Variants in ARHGAP35 observed in about 807,000 individuals in gnomAD.
ARHGAP35 encodes the protein Rho GTPase activating protein 35.
Under a neutral mutation model 111.1 loss-of-function variants are expected in ARHGAP35, and 15 were observed. The ratio of observed to expected loss-of-function variants is 0.13; its 90% CI spans 0.09 to 0.21. The LOEUF (loss-of-function observed/expected upper bound fraction) is 0.21. Ranked by LOEUF, ARHGAP35 falls within the 10% of genes least tolerant of loss-of-function variation. The pLI, the probability that ARHGAP35 is intolerant of heterozygous loss-of-function variation, is 1.00. For missense variants in ARHGAP35, 1,262 were observed against 1,873.0 expected (o/e 0.67, Z 6.02); for synonymous variants, 643 against 710.3 (o/e 0.91, Z 1.51).
At chr19:46,893,759 T>C (rs1354544284) in intron 1 of ARHGAP35, among the ~76,000 whole-genome samples, 6 of 152,006 alleles carry the variant, frequency 3.9e-5, no homozygotes, top group East Asian at 1.9e-4. Context: ...TTTAGCTAGA[T>C]TGGGATGTAG....
chr19:46,877,557 T>A (rs1023881065), intron 1 of ARHGAP35, among the ~76,000 whole-genome samples: 1 of 151,986 alleles, frequency 6.6e-6, no homozygotes, highest in Non-Finnish European at 1.5e-5. Flanking sequence ...AGAGCAAGAC[T>A]CTTGTCTCAA....
chr19:46,985,623 A>C (rs537999672), intron 3 of ARHGAP35, among the ~76,000 whole-genome samples: 1 of 152,308 alleles, frequency 6.6e-6, no homozygotes, highest in East Asian at 1.9e-4. Context: ...TCGTTTATTT[A>C]ATAAACAAGC....
intron 1 of ARHGAP35, among the ~76,000 whole-genome samples, chr19:46,896,946 T>G (rs2056060351): frequency 2.0e-5 from 3 of 152,126 alleles, no homozygotes; most frequent in African/African-American, 7.2e-5. Flanking sequence ...CAGTCTGGAG[T>G]GCATTGGCGC....
At chr19:46,983,228 T>C (rs2056630778) in intron 3 of ARHGAP35, among the ~76,000 whole-genome samples, 1 of 151,994 alleles carries the variant, frequency 6.6e-6, no homozygotes, top group South Asian at 2.1e-4. Flanking sequence ...GAAGAAGAAC[T>C]CAGGTAGGAT....
intron 3 of ARHGAP35, among the ~76,000 whole-genome samples, chr19:46,951,312 C>T (rs899621025): frequency 4.6e-5 from 7 of 152,028 alleles, no homozygotes; most frequent in Non-Finnish European, 1.0e-4. Context: ...GGACAGGGGG[C>T]GGGGATGGGG....
intron 3 of ARHGAP35, among the ~76,000 whole-genome samples, chr19:46,973,908 A>C (rs1020209755): frequency 6.6e-6 from 1 of 151,594 alleles, no homozygotes; most frequent in African/African-American, 2.4e-5. Context: ...AGGCAGGATA[A>C]TCTTTTGAAC....
rs1302506059 is a variant in ARHGAP35, at chr19:46,926,155, C to T, written c.3681+3799C>T. On this transcript the variant is annotated intron_variant, in intron 2 of 6. Coordinates refer to ENST00000672722, the MANE Select transcript of ARHGAP35 (RefSeq NM_004491.5). This position sits in a 1 kb window ranked among gnomAD's most constrained non-coding sequence, Gnocchi z 4.1. ...ATACAGAAAAAAATCACTCAGTGCCCTTGGCTGATTTGCTAGATTAGGTCT... is the reference window on the plus strand; with the variant it reads ...ATACAGAAAAAAATCACTCAGTGCCTTTGGCTGATTTGCTAGATTAGGTCT... Among the ~76,000 whole-genome samples the T allele has an allele frequency of 6.6e-6, 1 of 152,162 alleles. No homozygotes were observed. The highest frequency in any genetic ancestry group is 1.5e-5 in the Non-Finnish European group (1 of 68,022).
intron 1 of ARHGAP35, among the ~76,000 whole-genome samples, chr19:46,865,530 T>C (rs2055850796): frequency 2.6e-5 from 4 of 152,272 alleles, no homozygotes; most frequent in South Asian, 4.1e-4. Flanking sequence ...GGCAGATCCA[T>C]GGACCTGATG....
At chr19:46,948,445 A>G (rs1479612030) in intron 3 of ARHGAP35, 2 of 152,236 alleles carry the variant, frequency 1.3e-5, no homozygotes, top group Non-Finnish European at 2.9e-5. Flanking sequence ...AAATGAAAAC[A>G]TACGTTCACA....
In ARHGAP35 at chr19:46,994,064, A is replaced by T. The variant is rs1245046143; in HGVS notation, c.4036+4389A>T. 6.6e-6 allele frequency among the ~76,000 whole-genome samples: 1 copy of T among 152,146 alleles called. No homozygotes were observed. The highest frequency in any genetic ancestry group is 2.4e-5 in the African/African-American group (1 of 41,424). ...TCTGAAGGGGGTGGAGGTTACACCA[A>T]AAGTCTGGACGAGCGGACCTGGGAA... On this transcript the variant is annotated intron_variant, in intron 5 of 6. Coordinates refer to ENST00000672722, the MANE Select transcript of ARHGAP35 (RefSeq NM_004491.5). The surrounding 1 kb of genome is among the most constrained non-coding windows in gnomAD (Gnocchi z 5.4).
intron 1 of ARHGAP35, among the ~76,000 whole-genome samples, chr19:46,864,767 T>C (rs144975068): frequency 6.6e-6 from 1 of 152,368 alleles, no homozygotes; most frequent in East Asian, 1.9e-4. Context: ...TCATTTCCGT[T>C]GGTAAATTTT....
intron 1 of ARHGAP35, among the ~76,000 whole-genome samples, chr19:46,883,640 G>A (rs1038690304): frequency 2.0e-5 from 3 of 152,180 alleles, no homozygotes; most frequent in African/African-American, 7.2e-5. Context: ...GACATGAAGT[G>A]AGCATATGCT....
intron 1 of ARHGAP35, among the ~76,000 whole-genome samples, chr19:46,885,676 CTAGTT>C (rs1477309748): frequency 3.3e-5 from 5 of 152,140 alleles, no homozygotes; most frequent in Non-Finnish European, 7.4e-5. Flanking sequence ...TTCTTGATCT[CTAGTT>C]TAGCTTACTT....
intron 1 of ARHGAP35, among the ~76,000 whole-genome samples, chr19:46,888,112 T>C (rs1192185794): frequency 8.0e-5 from 12 of 149,948 alleles, no homozygotes; most frequent in Admixed American, 2.7e-4. Flanking sequence ...CCACCACGCC[T>C]GGCTAATTTT....
At chr19:46,873,197 T>C (rs1436400651) in intron 1 of ARHGAP35, among the ~76,000 whole-genome samples, 3 of 152,034 alleles carry the variant, frequency 2.0e-5, no homozygotes, top group Non-Finnish European at 2.9e-5. Context: ...CTTTACACTT[T>C]CCAGAATGCT....
intron 3 of ARHGAP35, among the ~76,000 whole-genome samples, chr19:46,981,817 AT>A (rs1168226170): frequency 7.3e-6 from 1 of 137,628 alleles, no homozygotes; most frequent in East Asian, 2.1e-4. Context: ...TCACCAAAGT[AT>A]TTTTTGGTGT....
intron 3 of ARHGAP35, among the ~76,000 whole-genome samples, chr19:46,962,344 GC>G (rs1285734600): frequency 6.6e-6 from 1 of 152,216 alleles, no homozygotes; most frequent in Non-Finnish European, 1.5e-5. Flanking sequence ...GGCCTGCCTT[GC>G]CAAGACTGGC....
At chr19:46,947,038 C>T (rs1300238033) in intron 3 of ARHGAP35, 3 of 152,174 alleles carry the variant, frequency 2.0e-5, no homozygotes, top group Non-Finnish European at 4.4e-5. Flanking sequence ...TCAACTTTGA[C>T]CTCTTGTCCC....
At chr19:46,981,835 T>A (rs1305988293) in intron 3 of ARHGAP35, among the ~76,000 whole-genome samples, 1 of 59,364 alleles carries the variant, frequency 1.7e-5, no homozygotes, top group Non-Finnish European at 3.4e-5. Flanking sequence ...GTGTTTTGTT[T>A]TGTTTTGTTT....
Sources: gnomAD v4.1 joint callset for allele counts (sites outside exome capture counted in the v4.1 genomes callset) on GRCh38, gnomAD v4.1.1 for gene constraint, Gnocchi (gnomAD v3.1) non-coding constraint, MANE v1.5 for transcripts, NCBI Gene and HGNC (gene_info 2026-07-23, HGNC 2026-07-21) for gene names.